RNF144B: variants seen among roughly 807,000 people sequenced by gnomAD.
RNF144B encodes ring finger protein 144B.
Under a neutral mutation model 40.2 loss-of-function variants are expected in RNF144B, and 25 were observed. The observed-to-expected ratio is 0.62, with a 90% CI of 0.45 to 0.87. The LOEUF (loss-of-function observed/expected upper bound fraction) is 0.87. Ranked by LOEUF, RNF144B falls within the 40% of genes least tolerant of loss-of-function variation. The pLI is 0.00. For synonymous variants in RNF144B, 145 were observed against 136.3 expected (o/e 1.06, Z -0.44); for missense variants, 365 against 373.7 (o/e 0.98, Z 0.19).
At position 18,456,165 on chromosome 6, in the gene RNF144B, G is replaced by A. The variant is rs886438340; in HGVS notation, c.332-990G>A. ...TCTTGATCTCCTAACCTTGTGATCC[G>A]CCTACCTCAGCCTCCCAAAGTGCTG... On this transcript the variant is annotated intron_variant, in intron 4 of 7. Coordinates refer to ENST00000259939, the MANE Select transcript of RNF144B (RefSeq NM_182757.4). This position sits in a 1 kb window ranked among gnomAD's most constrained non-coding sequence, Gnocchi z 4.7. Among the ~76,000 whole-genome samples the A allele has an allele frequency of 2.6e-5, 4 of 152,004 alleles. No individual in the cohort carries two copies. The highest frequency in any genetic ancestry group is 6.6e-5 in the Admixed American group (1 of 15,258).
chr6:18,421,889 CTT>C (rs906357768), intron 2 of RNF144B, among the ~76,000 whole-genome samples: 2 of 152,100 alleles, frequency 1.3e-5, no homozygotes, highest in African/African-American at 4.8e-5. Flanking sequence ...ACCAAGGTCT[CTT>C]TTAAACTGTG....
Position 18,467,400 on chromosome 6 carries a change from G to GTTTTTTTTTTTTT in RNF144B, c.*2340_*2352dup, listed in dbSNP as rs66505065. On this transcript the variant is annotated 3_prime_UTR_variant, in exon 8 of 8. Transcript: ENST00000259939. ...TTGTATCACTGAATTAGCTGCTTTT[G>GTTTTTTTTTTTTT]TTTTTTTTTTTTTTTTTTTGCCAGG... is the stretch of plus-strand genomic sequence containing the variant. The GTTTTTTTTTTTTT allele has an allele frequency of 4.9e-5, 5 of 102,284 alleles. No individual in the cohort carries two copies. The highest frequency in any genetic ancestry group is 7.7e-5 in the African/African-American group (2 of 25,986). The allele number at this position is 102,284 out of a possible 1,614,324, so 6.3% of individuals were successfully genotyped here.
rs76636216 is a variant in RNF144B at position 18,446,253 on chromosome 6, T to C, written c.331+6509T>C. On this transcript the variant is annotated intron_variant, in intron 4 of 7. Coordinates refer to ENST00000259939, the MANE Select transcript of RNF144B (RefSeq NM_182757.4). The surrounding 1 kb of genome is among the most constrained non-coding windows in gnomAD (Gnocchi z 4.7). ...AGACAAAACTATTCTCTTAATGGGATACTGGAATTATAATACATTTCCTTA... is the reference window on the plus strand; with the variant it reads ...AGACAAAACTATTCTCTTAATGGGACACTGGAATTATAATACATTTCCTTA... Among the ~76,000 whole-genome samples the C allele has an allele frequency of 0.041, 6,172 of 152,244 alleles. 220 individuals are homozygous for C. Among genetic ancestry groups the C allele is most frequent in the Admixed American group, 0.11 (1,664 of 15,268 alleles).
At chr6:18,432,543 G>A (rs1223290393) in intron 3 of RNF144B, among the ~76,000 whole-genome samples, 1 of 152,192 alleles carries the variant, frequency 6.6e-6, no homozygotes, top group Non-Finnish European at 1.5e-5. Context: ...TATTCCAATA[G>A]CATTACTTCA....
In RNF144B at chr6:18,412,559, CA is replaced by C. The variant is rs11314016; in HGVS notation, c.165+12867del. ...AGACTGAGGGAGATGCCTTATCACA[CA>C]AAAAAATTCATGTCCAGTGACAAAA... On this transcript the variant is annotated intron_variant, in intron 2 of 7. Coordinates refer to ENST00000259939, the MANE Select transcript of RNF144B (RefSeq NM_182757.4). The surrounding 1 kb of genome is among the most constrained non-coding windows in gnomAD (Gnocchi z 4.2). Among the ~76,000 whole-genome samples the C allele has an allele frequency of 0.64, 97,179 of 151,832 alleles. 31,406 individuals are homozygous for C. Among genetic ancestry groups the C allele is most frequent in the Non-Finnish European group, 0.69 (47,177 of 67,922 alleles).
At chr6:18,409,672 G>A (rs1054106997) in intron 2 of RNF144B, among the ~76,000 whole-genome samples, 4 of 147,860 alleles carry the variant, frequency 2.7e-5, no homozygotes, top group Admixed American at 1.4e-4. Flanking sequence ...CTGGGTTCAC[G>A]CAGTTCTCCT....
At chr6:18,404,298 T>A (rs1794850616) in intron 2 of RNF144B, among the ~76,000 whole-genome samples, 1 of 152,224 alleles carries the variant, frequency 6.6e-6, no homozygotes, top group South Asian at 2.1e-4. Flanking sequence ...TGTGTTAGAA[T>A]GCAGATATGG....
rs1794910767 is a variant in RNF144B at position 18,406,485 on chromosome 6, TGTGTGTGTG to T, written c.165+6787_165+6795del. ...GTGTGTGTGTGTGTGTGTGTGTGTG[TGTGTGTGTG>T]TGTGTGTAGGGGGAGTAGTAGGAGA... On this transcript the variant is annotated intron_variant, in intron 2 of 7. Coordinates refer to ENST00000259939, the MANE Select transcript of RNF144B (RefSeq NM_182757.4). The surrounding 1 kb of genome is among the most constrained non-coding windows in gnomAD (Gnocchi z 4.2). Among the ~76,000 whole-genome samples, 1 of 149,786 alleles carries T rather than the reference TGTGTGTGTG, an allele frequency of 6.7e-6. No homozygotes were observed. Among genetic ancestry groups the T allele is most frequent in the African/African-American group, 2.5e-5 (1 of 40,246 alleles).
rs1554182192 is a variant in RNF144B at position 18,457,935 on chromosome 6, T to TTTTTG, written c.536+591_536+595dup. ...GTACCTTTTTAGTACAGCGGGTTTT[T>TTTTTG]TTTTGTTTTGTTTTGTTTTTGAGAC... On this transcript the variant is annotated intron_variant, in intron 5 of 7. Coordinates refer to ENST00000259939, the MANE Select transcript of RNF144B (RefSeq NM_182757.4). The surrounding 1 kb of genome is among the most constrained non-coding windows in gnomAD (Gnocchi z 5.1). Among the ~76,000 whole-genome samples, 3 of 151,944 alleles carry TTTTTG rather than the reference T, an allele frequency of 2.0e-5. No homozygotes were observed. The highest frequency in any genetic ancestry group is 7.3e-5 in the African/African-American group (3 of 41,360).
rs1338797193 is a variant in RNF144B at position 18,395,226 on chromosome 6, G to T, written c.-36-4273G>T. ...AAATGTGAGGTATGAGGCAGTAGGAGTGAGTTAGCCTCTTTCTGGAATGAA... is the reference window on the plus strand; with the variant it reads ...AAATGTGAGGTATGAGGCAGTAGGATTGAGTTAGCCTCTTTCTGGAATGAA... On this transcript the variant is annotated intron_variant, in intron 1 of 7. Transcript: ENST00000259939. The surrounding 1 kb of genome is among the most constrained non-coding windows in gnomAD (Gnocchi z 4.5). 6.6e-6 allele frequency among the ~76,000 whole-genome samples: 1 copy of T among 152,194 alleles called. No individual in the cohort carries two copies. Among genetic ancestry groups the T allele is most frequent in the Admixed American group, 6.5e-5 (1 of 15,276 alleles).
intron 6 of RNF144B, among the ~76,000 whole-genome samples, chr6:18,461,696 A>G (rs1244735580): frequency 3.9e-5 from 6 of 152,188 alleles, no homozygotes; most frequent in Non-Finnish European, 7.3e-5. Flanking sequence ...CTGTTTTCTA[A>G]GATCTCATTT....
intron 1 of RNF144B, among the ~76,000 whole-genome samples, chr6:18,394,285 A>G (rs1262016650): frequency 1.3e-5 from 2 of 152,218 alleles, no homozygotes; most frequent in Non-Finnish European, 2.9e-5. Flanking sequence ...AATCAAACAG[A>G]CATAAACTAC....
At chr6:18,388,077 A>G (rs1399847300) in intron 1 of RNF144B, among the ~76,000 whole-genome samples, 1 of 152,200 alleles carries the variant, frequency 6.6e-6, no homozygotes, top group Admixed American at 6.5e-5. Flanking sequence ...GGGAAAAGGT[A>G]GGTATCTTTT....
rs1000893898 is a variant in RNF144B, at chr6:18,412,219, A to T, written c.165+12520A>T. ...ACCAGCTTGGCAACTCCACCAACAG[A>T]GTAGGAACAGAGGCCTCTCTTTTGA... On this transcript the variant is annotated intron_variant, in intron 2 of 7. Transcript: ENST00000259939. This position sits in a 1 kb window ranked among gnomAD's most constrained non-coding sequence, Gnocchi z 4.2. Among the ~76,000 whole-genome samples, 1 of 152,172 alleles carries T rather than the reference A, an allele frequency of 6.6e-6. No individual in the cohort carries two copies. The highest frequency in any genetic ancestry group is 2.4e-5 in the African/African-American group (1 of 41,428).
intron 1 of RNF144B, among the ~76,000 whole-genome samples, chr6:18,394,592 C>T (rs551412325): frequency 2.7e-4 from 40 of 148,740 alleles, no homozygotes; most frequent in African/African-American, 7.2e-4. Context: ...AGTGATACTC[C>T]GTCCCCTACC....
chr6:18,387,444 C>G lies in RNF144B; in HGVS notation c.-223C>G, dbSNP rs1794471963. On this transcript the variant is annotated 5_prime_UTR_variant, in exon 1 of 8. Transcript: ENST00000259939. ...TCGGGGACTCCGCCTCCTCCCGACC[C>G]GTAGGTCTGGGAGCGCAAGTCCTGT... is the stretch of plus-strand genomic sequence containing the variant. 1 of 1,219,922 alleles carries G rather than the reference C, an allele frequency of 8.2e-7. No homozygotes were observed. Among genetic ancestry groups the G allele is most frequent in the Non-Finnish European group, 1.1e-6 (1 of 949,858 alleles). 75.6% of individuals were successfully genotyped at this position (1,219,922 alleles called of 1,614,324 possible).
In RNF144B at chr6:18,448,688, GCACA is replaced by G. The variant is rs61128858; in HGVS notation, c.332-8441_332-8438del. 1.5e-3 allele frequency among the ~76,000 whole-genome samples: 222 copies of G among 144,616 alleles called. No individual in the cohort carries two copies. The highest frequency in any genetic ancestry group is 3.7e-3 in the African/African-American group (147 of 39,564). 94.9% of individuals were successfully genotyped at this position (144,616 alleles called of 152,430 possible). A position where few individuals can be genotyped will look rare whatever the true frequency, so the allele number is the denominator to read the frequency against. ...TCCATTTTATTTTGAAAGCCAGCAT[GCACA>G]CACACACACACACACACACACACAC... On this transcript the variant is annotated intron_variant, in intron 4 of 7. Coordinates refer to ENST00000259939, the MANE Select transcript of RNF144B (RefSeq NM_182757.4). This position sits in a 1 kb window ranked among gnomAD's most constrained non-coding sequence, Gnocchi z 4.0.
intron 2 of RNF144B, among the ~76,000 whole-genome samples, chr6:18,411,369 G>C (rs1795030749): frequency 6.8e-6 from 1 of 146,172 alleles, no homozygotes; most frequent in South Asian, 2.2e-4. Flanking sequence ...GGGCTCTCTT[G>C]GTTTATTACA....
intron 2 of RNF144B, among the ~76,000 whole-genome samples, chr6:18,421,595 A>G (rs1353849922): frequency 1.3e-5 from 2 of 152,180 alleles, no homozygotes; most frequent in African/African-American, 4.8e-5. Flanking sequence ...GTGGCACCAC[A>G]GACCAAGGGT....
Sources: gnomAD v4.1 joint callset for allele counts (sites outside exome capture counted in the v4.1 genomes callset) on GRCh38, gnomAD v4.1.1 for gene constraint, Gnocchi (gnomAD v3.1) non-coding constraint, MANE v1.5 for transcripts, NCBI Gene and HGNC (gene_info 2026-07-23, HGNC 2026-07-21) for gene names.